Variants in MAN2A1 observed in about 807,000 individuals in gnomAD.
The protein encoded by MAN2A1 is mannosidase alpha class 2A member 1, also known as alpha-mannosidase 2.
MAN2A1 carries 76 observed loss-of-function variants against 142.6 expected under a neutral mutation model. The observed-to-expected ratio is 0.53, with a 90% CI of 0.44 to 0.65. MAN2A1 has a LOEUF of 0.65. MAN2A1 is among the 30% of genes least tolerant of loss of function. The pLI, the probability that MAN2A1 is intolerant of heterozygous loss-of-function variation, is 0.00. For missense variants in MAN2A1, 1,311 were observed against 1,365.1 expected (o/e 0.96, Z 0.62); for synonymous variants, 559 against 473.2 (o/e 1.18, Z -2.35).
intron 16 of MAN2A1, among the ~76,000 whole-genome samples, chr5:109,835,857 G>T (rs1580302610): frequency 6.6e-6 from 1 of 152,140 alleles, no homozygotes; most frequent in East Asian, 1.9e-4. Context: ...CTGCAATTCA[G>T]GGTTGAATTA....
intron 1 of MAN2A1, among the ~76,000 whole-genome samples, chr5:109,701,983 T>C (rs895021476): frequency 6.6e-6 from 1 of 152,194 alleles, no homozygotes; most frequent in African/African-American, 2.4e-5. Flanking sequence ...AGGGAGATGC[T>C]GATCTGGTAG....
intron 4 of MAN2A1, among the ~76,000 whole-genome samples, chr5:109,745,667 G>A (rs1289000755): frequency 6.6e-6 from 1 of 152,062 alleles, no homozygotes; most frequent in African/African-American, 2.4e-5. Context: ...CACTCAGGCT[G>A]GAGTGCAGTG....
chr5:109,719,856 A>G (rs1003789791), intron 3 of MAN2A1, among the ~76,000 whole-genome samples: 12 of 152,178 alleles, frequency 7.9e-5, no homozygotes, highest in African/African-American at 2.9e-4. Context: ...ATTATGTTAC[A>G]GTCTGAAAAG....
rs148759158 is a variant in MAN2A1, at chr5:109,803,767, T to C, written c.1944-13506T>C. On this transcript the variant is annotated intron_variant, in intron 12 of 21. Transcript: ENST00000261483. ...AATAGCTGGTGTTAGTTTTGGTGTG[T>C]TTGCTAGATAATATAAATTTTGAAT... Among the ~76,000 whole-genome samples the C allele has an allele frequency of 1.7e-4, 26 of 152,218 alleles. 1 individual carries two copies. In the East Asian group the frequency reaches 4.2e-3, roughly 25 times the overall value.
chr5:109,847,520 G>A (rs536011924), intron 18 of MAN2A1, 137 bp from the exon 19 acceptor site: 1 of 624,870 alleles, frequency 1.6e-6, no homozygotes, highest in East Asian at 3.4e-5. Flanking sequence ...TGGTGTAGTG[G>A]GTTGTATAAA....
intron 1 of MAN2A1, among the ~76,000 whole-genome samples, chr5:109,690,820 C>T (rs999854079): frequency 6.6e-6 from 1 of 152,162 alleles, no homozygotes; most frequent in Non-Finnish European, 1.5e-5. Flanking sequence ...GCATTCGCAC[C>T]CGGCCTGTTG....
intron 3 of MAN2A1, among the ~76,000 whole-genome samples, chr5:109,726,747 A>G (rs1442651773): frequency 6.6e-6 from 1 of 152,222 alleles, no homozygotes; most frequent in African/African-American, 2.4e-5. Context: ...TTACTTATCA[A>G]TCTTCATAAA....
chr5:109,754,614 T>A (rs1582862790), intron 4 of MAN2A1, among the ~76,000 whole-genome samples: 1 of 152,266 alleles, frequency 6.6e-6, no homozygotes, highest in African/African-American at 2.4e-5. Flanking sequence ...TTGAAATAAA[T>A]AATGTGCTTA....
At chr5:109,825,775 C>T (rs898067320) in intron 16 of MAN2A1, among the ~76,000 whole-genome samples, 1 of 152,082 alleles carries the variant, frequency 6.6e-6, no homozygotes, top group African/African-American at 2.4e-5. Flanking sequence ...GAGCCCGGGC[C>T]ACTGAGGTTT....
At chr5:109,831,433 T>C (rs1754903838) in intron 16 of MAN2A1, among the ~76,000 whole-genome samples, 1 of 152,212 alleles carries the variant, frequency 6.6e-6, no homozygotes, top group Admixed American at 6.5e-5. Flanking sequence ...AGGAAAAGAA[T>C]ATCACAATGT....
chr5:109,786,909 G>T lies in MAN2A1; in HGVS notation c.1760+1983G>T, dbSNP rs1369592495. ...TCTGTAGACAACTGGTTCTGGTATGGCAGCTCTGCAGTGTCATCAGGCATT... is the reference window on the plus strand; with the variant it reads ...TCTGTAGACAACTGGTTCTGGTATGTCAGCTCTGCAGTGTCATCAGGCATT... On this transcript the variant is annotated intron_variant, in intron 10 of 21. Transcript: ENST00000261483. Among the ~76,000 whole-genome samples, 3 of 151,940 alleles carry T rather than the reference G, an allele frequency of 2.0e-5. No homozygotes were observed. The East Asian group carries it at 5.8e-4, about 29-fold the overall frequency.
intron 5 of MAN2A1, among the ~76,000 whole-genome samples, chr5:109,756,616 T>G (rs1752696686): frequency 6.6e-6 from 1 of 152,234 alleles, no homozygotes; most frequent in Admixed American, 6.5e-5. Context: ...ATTTACTTAA[T>G]TTTTTCTGTT....
At chr5:109,829,495 A>G (rs1226721473) in intron 16 of MAN2A1, among the ~76,000 whole-genome samples, 2 of 152,218 alleles carry the variant, frequency 1.3e-5, no homozygotes, top group African/African-American at 4.8e-5. Flanking sequence ...TGCCTTGAGC[A>G]TCCCAAAAAG....
chr5:109,768,045 G>C (rs1753041070), intron 6 of MAN2A1, among the ~76,000 whole-genome samples: 1 of 152,204 alleles, frequency 6.6e-6, no homozygotes, highest in Non-Finnish European at 1.5e-5. Flanking sequence ...CTGATATCCA[G>C]TCATATATCT....
rs960935924 is a variant in MAN2A1 at position 109,784,301 on chromosome 5, A to C, written c.1578-443A>C. On this transcript the variant is annotated intron_variant, in intron 9 of 21. Transcript: ENST00000261483. Reference sequence around the variant, plus strand: ...CCTCTGAGTGTCCCGCTCACCGACCATGCCTTTCTTTCTCATTTCTCTTAA... The same window carrying C: ...CCTCTGAGTGTCCCGCTCACCGACCCTGCCTTTCTTTCTCATTTCTCTTAA... Among the ~76,000 whole-genome samples, 3 of 152,208 alleles carry C rather than the reference A, an allele frequency of 2.0e-5. No homozygotes were observed. In the East Asian group the frequency reaches 5.8e-4, roughly 29 times the overall value.
Position 109,781,557 on chromosome 5 carries a change from C to G in MAN2A1, c.1536C>G (p.Pro512=). The G allele has an allele frequency of 6.2e-7, 1 of 1,610,920 alleles. No individual in the cohort carries two copies. Among genetic ancestry groups the G allele is most frequent in the Non-Finnish European group, 8.5e-7 (1 of 1,179,256 alleles). ...HYWSGYFTSR[P]FYKRMDRIME... ...GGAGTGGCTATTTTACATCCAGACC[C>G]TTTTACAAACGAATGGACAGAATCA... Residue 512 remains proline (P), a synonymous_variant, in exon 9 of 22, where the codon CCC becomes CCG. Transcript: ENST00000261483.
chr5:109,698,845 A>G (rs571107867), intron 1 of MAN2A1, among the ~76,000 whole-genome samples: 3 of 152,286 alleles, frequency 2.0e-5, no homozygotes, highest in African/African-American at 7.2e-5. Flanking sequence ...ACACATTGAC[A>G]ATAGAATCCC....
intron 18 of MAN2A1, 51 bp downstream of exon 18, chr5:109,846,057 G>A (rs1323319656): frequency 6.0e-6 from 9 of 1,501,346 alleles, no homozygotes; most frequent in Non-Finnish European, 6.3e-6. Flanking sequence ...AATTCCAACT[G>A]TATACTTTTT....
At chr5:109,728,028 A>G (rs919711166) in intron 3 of MAN2A1, among the ~76,000 whole-genome samples, 1 of 152,230 alleles carries the variant, frequency 6.6e-6, no homozygotes, top group Non-Finnish European at 1.5e-5. Context: ...AGTGCCCCAG[A>G]TCAAGAAAGT....
Sources: gnomAD v4.1 joint callset for allele counts (sites outside exome capture counted in the v4.1 genomes callset) on GRCh38, gnomAD v4.1.1 for gene constraint, MANE v1.5 for transcripts, NCBI Gene and HGNC (gene_info 2026-07-23, HGNC 2026-07-21) for gene names.